The following TNNT3 variants were observed in gnomAD, a reference collection of about 807,000 sequenced individuals.
TNNT3 encodes the protein troponin T, fast skeletal muscle.
In TNNT3, 36 loss-of-function variants were observed where a neutral mutation model predicts 54.2. The observed-to-expected ratio is 0.66, with a 90% confidence interval of 0.51 to 0.88. The LOEUF is 0.88. Ranked by LOEUF, TNNT3 falls within the 40% of genes least tolerant of loss-of-function variation. TNNT3 has a pLI of 0.00. For synonymous variants in TNNT3, 120 were observed against 109.7 expected (o/e 1.09, Z -0.59); for missense variants, 291 against 331.6 (o/e 0.88, Z 0.95).
chr11:1,932,335 G>A, intron 8 of TNNT3, 134 bp from the exon 9 acceptor site: 1 of 826,546 alleles, frequency 1.2e-6, no homozygotes, highest in East Asian at 2.4e-5. Flanking sequence ...CGTGTCACTA[G>A]GCGGGCATGC....
chr11:1,926,391 C>A (rs951698551), intron 5 of TNNT3: 1 of 1,583,622 alleles, frequency 6.3e-7, no homozygotes, highest in Non-Finnish European at 8.7e-7. Context: ...CGGGCTTTTC[C>A]ATTAACCTCG....
chr11:1,920,628 A>G (rs909115), intron 1 of TNNT3, among the ~76,000 whole-genome samples: 52,306 of 152,030 alleles, frequency 0.34, 10,441 homozygotes, highest in East Asian at 0.65. Context: ...CACAGCAAGC[A>G]AGGGGCAGCG....
intron 15 of TNNT3, 61 bp downstream of exon 15, chr11:1,937,064 G>A: frequency 2.0e-6 from 3 of 1,527,966 alleles, no homozygotes; most frequent in African/African-American, 2.7e-5. Context: ...GCCAGCCGCT[G>A]TAGCCAGTCC....
chr11:1,934,802 GA>G, intron 13 of TNNT3, 26 bp from the exon 14 acceptor site: 1 of 1,610,404 alleles, frequency 6.2e-7, no homozygotes, highest in South Asian at 1.1e-5. Flanking sequence ...CTTATTCAAC[GA>G]AGCCTCACCA....
chr11:1,937,086 C>G, intron 15 of TNNT3, 83 bp downstream of exon 15: 1 of 1,447,198 alleles, frequency 6.9e-7, no homozygotes, highest in Non-Finnish European at 9.4e-7. Context: ...TAACAAGGGC[C>G]GGTGGTGGCT....
At position 1,936,873 on chromosome 11, in the gene TNNT3, A is replaced by T. The variant is rs1010351141; in HGVS notation, c.682-90A>T. The T allele has an allele frequency of 5.0e-5, 70 of 1,407,610 alleles. No homozygotes were observed. In the African/African-American group the frequency reaches 9.3e-4, roughly 19 times the overall value. The allele number at this position is 1,407,610 out of a possible 1,614,324, so 87.2% of individuals were successfully genotyped here. A position where few individuals can be genotyped will look rare whatever the true frequency, so the allele number is the denominator to read the frequency against. Reference sequence around the variant, plus strand: ...CCAGCAGCCCTGGGTCGCGCAGCCCAGCCCACCCTGCGGTGGAGACAGGCC... The same window carrying T: ...CCAGCAGCCCTGGGTCGCGCAGCCCTGCCCACCCTGCGGTGGAGACAGGCC... On this transcript the variant is annotated intron_variant, in intron 14 of 15. Transcript: ENST00000278317.
intron 4 of TNNT3, among the ~76,000 whole-genome samples, chr11:1,924,446 GT>G (rs1850948994): frequency 1.3e-5 from 2 of 152,258 alleles, no homozygotes; most frequent in African/African-American, 4.8e-5. Flanking sequence ...AGGCAGGGCT[GT>G]CCTGTGAGGA....
chr11:1,937,131 C>T, intron 15 of TNNT3, 128 bp downstream of exon 15: 1 of 974,480 alleles, frequency 1.0e-6, no homozygotes, highest in Non-Finnish European at 1.6e-6. Context: ...CTAACCCGGC[C>T]AGGCCACCCA....
rs540889944 is a variant in TNNT3 at position 1,923,494 on chromosome 11, T to G, written c.32-61T>G. 2.5e-6 allele frequency: 4 copies of G among 1,586,562 alleles called. No homozygotes were observed. The African/African-American group carries it at 5.4e-5, about 21-fold the overall frequency. On this transcript the variant is annotated intron_variant, in intron 3 of 15. Coordinates refer to ENST00000278317, the MANE Select transcript of TNNT3 (RefSeq NM_006757.4). ...GGGACACACTGGCCTCTCATCCTCC[T>G]CCTCCCTTCACGGGCTGCCCCTTCT...
intron 15 of TNNT3, 87 bp from the exon 16 acceptor site, chr11:1,938,351 G>A (rs1040752148): frequency 3.4e-6 from 5 of 1,454,846 alleles, no homozygotes; most frequent in Non-Finnish European, 4.8e-6. Context: ...GCCTGGGGTC[G>A]GGCTGAGAGT....
chr11:1,931,505 C>A (rs568301117), intron 8 of TNNT3, among the ~76,000 whole-genome samples: 4 of 152,036 alleles, frequency 2.6e-5, no homozygotes, highest in South Asian at 4.2e-4. Flanking sequence ...GATTCTTTGG[C>A]TTTGCGCCCT....
intron 12 of TNNT3, 42 bp downstream of exon 12, chr11:1,934,487 G>A: frequency 1.2e-6 from 2 of 1,608,312 alleles, no homozygotes; most frequent in Non-Finnish European, 1.7e-6. Flanking sequence ...CCTTCAGTGT[G>A]GGCTACGCCC....
intron 14 of TNNT3, among the ~76,000 whole-genome samples, chr11:1,936,749 G>A (rs1488581955): frequency 6.6e-6 from 1 of 152,232 alleles, no homozygotes; most frequent in Non-Finnish European, 1.5e-5. Flanking sequence ...ACAGGCTGGC[G>A]AGAGTAAGTC....
intron 15 of TNNT3, among the ~76,000 whole-genome samples, chr11:1,937,719 T>G (rs1469112192): frequency 6.6e-6 from 1 of 152,202 alleles, no homozygotes; most frequent in African/African-American, 2.4e-5. Flanking sequence ...TTGGCTTCCC[T>G]GCGGCGCCCA....
intron 5 of TNNT3, 59 bp from the exon 6 acceptor site, chr11:1,926,636 A>G: frequency 6.2e-7 from 1 of 1,611,766 alleles, no homozygotes; most frequent in Non-Finnish European, 8.5e-7. Flanking sequence ...CGCTGCCACC[A>G]CTCACACTGG....
intron 7 of TNNT3, 87 bp from the exon 8 acceptor site, chr11:1,929,723 C>T (rs548081704): frequency 2.1e-5 from 30 of 1,460,884 alleles, no homozygotes; most frequent in South Asian, 6.1e-5. Context: ...AACCCAGGGC[C>T]GCAGGCCGCC....
intron 8 of TNNT3, among the ~76,000 whole-genome samples, chr11:1,930,807 AT>A (rs1853158939): frequency 6.6e-6 from 1 of 152,128 alleles, no homozygotes; most frequent in Non-Finnish European, 1.5e-5. Context: ...ATCATGAGAT[AT>A]TTTCTCATTT....
chr11:1,938,598 C>T lies in TNNT3; in HGVS notation c.*106C>T, dbSNP rs767066569. ...AGCCCCCACAATCCTGTCAGGGGCTCCCTGACAGTCCTGGGGGTGGAGAGG... is the reference window on the plus strand; with the variant it reads ...AGCCCCCACAATCCTGTCAGGGGCTTCCTGACAGTCCTGGGGGTGGAGAGG... On this transcript the variant is annotated 3_prime_UTR_variant, in exon 16 of 16. Coordinates refer to ENST00000278317, the MANE Select transcript of TNNT3 (RefSeq NM_006757.4). 9.0e-6 allele frequency: 11 copies of T among 1,217,100 alleles called. No individual in the cohort carries two copies. Among genetic ancestry groups the T allele is most frequent in the East Asian group, 5.1e-5 (2 of 39,588 alleles). The allele number at this position is 1,217,100 out of a possible 1,614,324, so 75.4% of individuals were successfully genotyped here. A position where few individuals can be genotyped will look rare whatever the true frequency, so the allele number is the denominator to read the frequency against.
intron 5 of TNNT3, 94 bp from the exon 6 acceptor site, chr11:1,926,601 T>C: frequency 6.2e-7 from 1 of 1,609,624 alleles, no homozygotes; most frequent in South Asian, 1.1e-5. Flanking sequence ...CTCCGCCGCC[T>C]CGGCCCTGCC....
Sources: gnomAD v4.1 joint callset for allele counts (sites outside exome capture counted in the v4.1 genomes callset) on GRCh38, gnomAD v4.1.1 for gene constraint, MANE v1.5 for transcripts, NCBI Gene and HGNC (gene_info 2026-07-23, HGNC 2026-07-21) for gene names.